Variants in TRA2A observed in about 807,000 individuals in gnomAD.
The protein encoded by TRA2A is transformer 2 alpha homolog, also known as transformer-2 protein homolog alpha.
In TRA2A, 31 loss-of-function variants were observed where a neutral mutation model predicts 45.7. That is an observed-to-expected ratio of 0.68 (90% CI 0.51 to 0.92). The LOEUF (loss-of-function observed/expected upper bound fraction) is 0.92. TRA2A is among the 40% of genes least tolerant of loss of function. TRA2A has a pLI of 0.00. For synonymous variants in TRA2A, 132 were observed against 126.2 expected (o/e 1.05, Z -0.31); for missense variants, 304 against 367.5 (o/e 0.83, Z 1.41).
chr7:23,511,343 C>T (rs1260972944), intron 4 of TRA2A, among the ~76,000 whole-genome samples: 1 of 122,550 alleles, frequency 8.2e-6, no homozygotes, highest in African/African-American at 3.0e-5. Context: ...TGCACTCCAG[C>T]CTGGGCGACA....
intron 1 of TRA2A, among the ~76,000 whole-genome samples, chr7:23,523,522 G>C (rs1295676467): frequency 6.6e-6 from 1 of 152,128 alleles, no homozygotes; most frequent in South Asian, 2.1e-4. Context: ...AACTCAAACA[G>C]CTTTCTGAAA....
At chr7:23,524,202 A>G (rs531696758) in intron 1 of TRA2A, among the ~76,000 whole-genome samples, 5 of 152,282 alleles carry the variant, frequency 3.3e-5, no homozygotes, top group African/African-American at 7.2e-5. Context: ...TTATTTTAAG[A>G]AGGAGGAGTC....
intron 2 of TRA2A, among the ~76,000 whole-genome samples, chr7:23,520,084 C>T (rs1450697422): frequency 6.6e-6 from 1 of 152,038 alleles, no homozygotes; most frequent in Admixed American, 6.6e-5. Context: ...AAAAATTAGC[C>T]AGGTGCCTGT....
intron 1 of TRA2A, among the ~76,000 whole-genome samples, chr7:23,530,222 C>A (rs79868364): frequency 0.039 from 5,992 of 152,154 alleles, 419 homozygotes; most frequent in African/African-American, 0.14. Flanking sequence ...CTGTTGGGGC[C>A]ATCAATACAC....
At chr7:23,505,875 TA>T (rs1789312027) in intron 6 of TRA2A, 62 bp from the exon 7 acceptor site, 1 of 1,037,776 alleles carries the variant, frequency 9.6e-7, no homozygotes, top group African/African-American at 1.6e-5. Flanking sequence ...CAGATGAAAA[TA>T]AAAATTCCTC....
intron 4 of TRA2A, among the ~76,000 whole-genome samples, chr7:23,511,187 C>A (rs1312019202): frequency 3.3e-5 from 5 of 151,450 alleles, no homozygotes; most frequent in Non-Finnish European, 7.4e-5. Flanking sequence ...CTGGCTAACA[C>A]AGTGAAACCC....
chr7:23,517,740 T>A (rs919906236), intron 2 of TRA2A, among the ~76,000 whole-genome samples: 2 of 149,958 alleles, frequency 1.3e-5, no homozygotes, highest in African/African-American at 4.9e-5. Flanking sequence ...GGTAAAACCC[T>A]GTCTCTACTA....
chr7:23,523,005 T>C (rs982349182), intron 1 of TRA2A, among the ~76,000 whole-genome samples: 2 of 152,168 alleles, frequency 1.3e-5, no homozygotes, highest in Admixed American at 1.3e-4. Flanking sequence ...TTAAAATATG[T>C]TCTGAAGACA....
chr7:23,505,847 A>G, intron 6 of TRA2A, 34 bp from the exon 7 acceptor site: 2 of 1,303,238 alleles, frequency 1.5e-6, no homozygotes, highest in Non-Finnish European at 2.1e-6. Flanking sequence ...AGCATACTAT[A>G]TAATCACTCC....
At chr7:23,515,421 G>C (rs1007743817) in intron 3 of TRA2A, among the ~76,000 whole-genome samples, 5 of 151,866 alleles carry the variant, frequency 3.3e-5, no homozygotes, top group African/African-American at 1.2e-4. Flanking sequence ...AGTAGAGACA[G>C]GGTTTCACCG....
At chr7:23,509,657 C>T (rs150785558) in intron 4 of TRA2A, among the ~76,000 whole-genome samples, 5 of 150,934 alleles carry the variant, frequency 3.3e-5, no homozygotes, top group African/African-American at 9.8e-5. Flanking sequence ...TGCTTGAACC[C>T]GGGAGGCAGA....
chr7:23,512,789 A>T, intron 4 of TRA2A, 105 bp downstream of exon 4: 1 of 991,368 alleles, frequency 1.0e-6, no homozygotes, highest in Non-Finnish European at 1.4e-6. Context: ...AAAAAAAAAG[A>T]AAAAAAGGAA....
At chr7:23,526,519 T>C (rs1447925837) in intron 1 of TRA2A, among the ~76,000 whole-genome samples, 4 of 152,176 alleles carry the variant, frequency 2.6e-5, no homozygotes, top group Non-Finnish European at 5.9e-5. Context: ...CCTTACAATA[T>C]TCATTTTACT....
chr7:23,507,560 C>CA, intron 4 of TRA2A, 25 bp from the exon 5 acceptor site: 1 of 1,518,790 alleles, frequency 6.6e-7, no homozygotes, highest in Non-Finnish European at 9.1e-7. Context: ...CACAAAAAGT[C>CA]ACGTATAATT....
intron 1 of TRA2A, among the ~76,000 whole-genome samples, chr7:23,530,578 T>C (rs1457930386): frequency 6.6e-6 from 1 of 152,186 alleles, no homozygotes; most frequent in African/African-American, 2.4e-5. Context: ...CTTTCCAGGG[T>C]TTCACACGAA....
intron 7 of TRA2A, 26 bp from the exon 8 acceptor site, chr7:23,505,595 A>AAAAAAAAAAAAAAAAT (rs1789292006): frequency 1.7e-6 from 1 of 595,908 alleles, no homozygotes; most frequent in Non-Finnish European, 3.0e-6. Flanking sequence ...CAAAAAAAAA[A>AAAAAAAAAAAAAAAAT]AAAAAAAAAA....
chr7:23,522,224 T>C (rs1232426038), intron 1 of TRA2A: 2 of 1,121,752 alleles, frequency 1.8e-6, no homozygotes, highest in African/African-American at 3.3e-5. Flanking sequence ...TCATTTTTCA[T>C]ACTTCGTGTA....
intron 2 of TRA2A, among the ~76,000 whole-genome samples, chr7:23,519,235 T>C (rs1212378431): frequency 6.6e-6 from 1 of 151,866 alleles, no homozygotes; most frequent in African/African-American, 2.4e-5. Context: ...CTATTAAAAA[T>C]ACAAAAAATT....
chr7:23,512,575 C>T (rs1331798551), intron 4 of TRA2A, among the ~76,000 whole-genome samples: 3 of 152,074 alleles, frequency 2.0e-5, no homozygotes, highest in African/African-American at 7.2e-5. Context: ...TCTCCTGCCT[C>T]AGACTCCCGA....
Sources: allele counts gnomAD v4.1 joint callset (sites outside exome capture counted in the v4.1 genomes callset), GRCh38; gene constraint gnomAD v4.1.1; transcripts MANE v1.5; gene names NCBI Gene and HGNC (gene_info 2026-07-23, HGNC 2026-07-21).